Variants in SEPTIN9 observed in about 807,000 individuals in gnomAD.
SEPTIN9 encodes the protein septin-9.
SEPTIN9 carries 13 observed loss-of-function variants against 56.6 expected under a neutral mutation model. The observed-to-expected ratio is 0.23, with a 90% CI of 0.15 to 0.37. The LOEUF (loss-of-function observed/expected upper bound fraction) is 0.37. Ranked by LOEUF, SEPTIN9 falls within the 10% of genes least tolerant of loss-of-function variation. The pLI, the probability that SEPTIN9 is intolerant of heterozygous loss-of-function variation, is 1.00. For synonymous variants in SEPTIN9, 332 were observed against 334.1 expected (o/e 0.99, Z 0.07); for missense variants, 650 against 823.1 (o/e 0.79, Z 2.57).
chr17:77,416,009 C>T (rs747483), intron 3 of SEPTIN9, among the ~76,000 whole-genome samples: 56,817 of 152,098 alleles, frequency 0.37, 11,163 homozygotes, highest in African/African-American at 0.42. Flanking sequence ...TTTTCAATAT[C>T]GAAATGATGC....
At chr17:77,307,270 C>A in intron 2 of SEPTIN9, 73 bp downstream of exon 2, 1 of 1,357,380 alleles carries the variant, frequency 7.4e-7, no homozygotes, top group South Asian at 1.2e-5. Flanking sequence ...TCATTCTGGT[C>A]TGGGACCTGC....
intron 3 of SEPTIN9, among the ~76,000 whole-genome samples, chr17:77,423,332 G>A (rs1269799715): frequency 3.3e-5 from 5 of 152,194 alleles, no homozygotes; most frequent in African/African-American, 7.2e-5. Flanking sequence ...CACTGCGCCC[G>A]GCCTGATACC....
Position 77,456,019 on chromosome 17 carries a change from G to A in SEPTIN9, c.722-26125G>A, listed in dbSNP as rs1288230687. Among the ~76,000 whole-genome samples, 1 of 152,298 alleles carries A rather than the reference G, an allele frequency of 6.6e-6. No homozygotes were observed. The highest frequency in any genetic ancestry group is 1.9e-4 in the East Asian group (1 of 5,182). ...AGATTCCCGGCACCGCTTCCCATGCGCCACGTGACTAGGAGGGTCTTGGGG... is the reference window on the plus strand; with the variant it reads ...AGATTCCCGGCACCGCTTCCCATGCACCACGTGACTAGGAGGGTCTTGGGG... On this transcript the variant is annotated intron_variant, in intron 3 of 11. Transcript: ENST00000427177. This position sits in a 1 kb window ranked among gnomAD's most constrained non-coding sequence, Gnocchi z 6.0.
intron 1 of SEPTIN9, among the ~76,000 whole-genome samples, chr17:77,289,410 T>G (rs1202854275): frequency 7.2e-6 from 1 of 139,184 alleles, no homozygotes; most frequent in Non-Finnish European, 1.6e-5. Flanking sequence ...ATTTATGCTT[T>G]TTTTTTTTTT....
intron 3 of SEPTIN9, among the ~76,000 whole-genome samples, chr17:77,415,337 T>C (rs1481143496): frequency 6.6e-6 from 1 of 152,124 alleles, no homozygotes; most frequent in Non-Finnish European, 1.5e-5. Context: ...CCAGGCGTGG[T>C]GCCTCACACC....
Position 77,310,868 on chromosome 17 carries a change from G to A in SEPTIN9, c.76+3671G>A, listed in dbSNP as rs1198031206. Among the ~76,000 whole-genome samples, 3 of 152,060 alleles carry A rather than the reference G, an allele frequency of 2.0e-5. No homozygotes were observed. The highest frequency in any genetic ancestry group is 6.6e-5 in the Admixed American group (1 of 15,264). On this transcript the variant is annotated intron_variant, in intron 2 of 11. Coordinates refer to ENST00000427177, the MANE Select transcript of SEPTIN9 (RefSeq NM_001113491.2). The surrounding 1 kb of genome is among the most constrained non-coding windows in gnomAD (Gnocchi z 4.7). ...ACTCCTCTGCCTGACATCCCGTGTC[G>A]CTAGGTCCTGCTCTTCCATCTTCCA...
At chr17:77,363,577 G>A (rs996952502) in intron 2 of SEPTIN9, among the ~76,000 whole-genome samples, 6 of 151,870 alleles carry the variant, frequency 4.0e-5, no homozygotes, top group African/African-American at 1.2e-4. Flanking sequence ...TAGTAGAGAT[G>A]GTGTTTCACC....
rs574535232 is a variant in SEPTIN9 at position 77,334,281 on chromosome 17, G to A, written c.76+27084G>A. Among the ~76,000 whole-genome samples, 5 of 152,178 alleles carry A rather than the reference G, an allele frequency of 3.3e-5. No homozygotes were observed. In the South Asian group the frequency reaches 1.0e-3, roughly 32 times the overall value. On this transcript the variant is annotated intron_variant, in intron 2 of 11. Coordinates refer to ENST00000427177, the MANE Select transcript of SEPTIN9 (RefSeq NM_001113491.2). ...ACTAAAAATACAAAAAATTAGCCGGGCGTGGTGGCGGGCGCCTGTAGTCCC... is the reference window on the plus strand; with the variant it reads ...ACTAAAAATACAAAAAATTAGCCGGACGTGGTGGCGGGCGCCTGTAGTCCC...
At chr17:77,491,901 G>C (rs1402113203) in intron 8 of SEPTIN9, among the ~76,000 whole-genome samples, 1 of 152,026 alleles carries the variant, frequency 6.6e-6, no homozygotes, top group Non-Finnish European at 1.5e-5. Context: ...ATAGGGAGGG[G>C]CATCCAAGCA....
chr17:77,470,453 C>T (rs1296459319), intron 3 of SEPTIN9, among the ~76,000 whole-genome samples: 1 of 151,478 alleles, frequency 6.6e-6, no homozygotes, highest in Admixed American at 6.6e-5. Flanking sequence ...CACCCATCCA[C>T]TTGTCTACTC....
At chr17:77,440,782 A>G (rs1212513734) in intron 3 of SEPTIN9, among the ~76,000 whole-genome samples, 1 of 152,182 alleles carries the variant, frequency 6.6e-6, no homozygotes, top group East Asian at 1.9e-4. Flanking sequence ...TGCAGATGAG[A>G]GAGCATTGCC....
In SEPTIN9 at chr17:77,488,242, A is replaced by G. The variant is rs1237579199; in HGVS notation, c.1045A>G (p.Ile349Val). The G allele has an allele frequency of 6.2e-7, 1 of 1,613,562 alleles. No individual in the cohort carries two copies. Among genetic ancestry groups the G allele is most frequent in the African/African-American group, 1.3e-5 (1 of 74,918 alleles). ...TIEIKSITHD[I>V]EEKGVRMKLT... ...TCTGCGTCCGTGGCTCTGTGCAGAT[A>G]TTGAGGAGAAAGGCGTCCGGATGAA... is the stretch of plus-strand genomic sequence containing the variant. The change falls in exon 6 of 12, where the codon ATT becomes GTT. Residue 349 changes from isoleucine to valine, a missense_variant and splice_region_variant. Ile to Val is a conservative substitution (Grantham distance 29). Transcript: ENST00000427177.
intron 7 of SEPTIN9, among the ~76,000 whole-genome samples, chr17:77,490,090 G>A (rs1371559834): frequency 1.3e-5 from 2 of 152,276 alleles, no homozygotes; most frequent in Non-Finnish European, 2.9e-5. Context: ...AGTCCCATGG[G>A]GCAGGGGCGG....
chr17:77,466,338 C>A (rs568470884), intron 3 of SEPTIN9: 73 of 967,730 alleles, frequency 7.5e-5, no homozygotes, highest in Middle Eastern at 1.1e-3. Flanking sequence ...CGGGCCAGGC[C>A]CCTTCCCCCT....
chr17:77,376,433 C>T (rs2034922647), intron 2 of SEPTIN9: 3 of 979,414 alleles, frequency 3.1e-6, no homozygotes, highest in South Asian at 4.7e-5. Context: ...ACTGCCAGCT[C>T]CTTACAGCGC....
At chr17:77,423,026 A>G (rs2036760131) in intron 3 of SEPTIN9, among the ~76,000 whole-genome samples, 2 of 152,140 alleles carry the variant, frequency 1.3e-5, no homozygotes, top group African/African-American at 2.4e-5. Context: ...GAACCCTGAG[A>G]CAATACCTGC....
intron 2 of SEPTIN9, among the ~76,000 whole-genome samples, chr17:77,345,378 T>C (rs2033858920): frequency 6.6e-6 from 1 of 152,178 alleles, no homozygotes; most frequent in South Asian, 2.1e-4. Flanking sequence ...CTGGGGTTGA[T>C]GGAAAAGAAA....
Position 77,492,501 on chromosome 17 carries a change from G to A in SEPTIN9, c.1381-120G>A. ...AGGTGATTGGTGTCACAGCCCCCCAGAGCCTGCCCTTGAACCCGAGCCTGG... is the reference window on the plus strand; with the variant it reads ...AGGTGATTGGTGTCACAGCCCCCCAAAGCCTGCCCTTGAACCCGAGCCTGG... On this transcript the variant is annotated intron_variant, in intron 8 of 11. Transcript: ENST00000427177. The surrounding 1 kb of genome is among the most constrained non-coding windows in gnomAD (Gnocchi z 5.4). 1.1e-6 allele frequency: 1 copy of A among 872,410 alleles called. No individual in the cohort carries two copies. The allele number at this position is 872,410 out of a possible 1,614,324, so 54.0% of individuals were successfully genotyped here.
chr17:77,487,483 C>T lies in SEPTIN9; in HGVS notation c.973C>T (p.Arg325Trp), dbSNP rs373846647. The T allele has an allele frequency of 9.9e-6, 16 of 1,612,624 alleles. No homozygotes were observed. Among genetic ancestry groups the T allele is most frequent in the East Asian group, 4.5e-5 (2 of 44,850 alleles). Residue 325 changes from arginine (R) to tryptophan (W), a missense_variant, in exon 5 of 12, where the codon CGG becomes TGG. Physicochemically the swap from Arg to Trp is moderately radical, Grantham distance 101 (BLOSUM62 -3). Transcript: ENST00000427177. The surrounding 1 kb of genome is among the most constrained non-coding windows in gnomAD (Gnocchi z 4.3). ...INTLFKSKIS[R>W]KSVQPTSEER... ...CACCCTCTTCAAATCCAAAATCAGC[C>T]GGAAGTCGGTGCAGCCCACCTCAGA...
Sources: allele counts gnomAD v4.1 joint callset (sites outside exome capture counted in the v4.1 genomes callset), GRCh38; gene constraint gnomAD v4.1.1; non-coding constraint Gnocchi (gnomAD v3.1); transcripts MANE v1.5; gene names NCBI Gene and HGNC (gene_info 2026-07-23, HGNC 2026-07-21).